The following LOC128706666 variants were observed in gnomAD, a reference collection of about 807,000 sequenced individuals.
At chr20:10,420,940 G>C in the LOC128706666 span, among the ~76,000 whole-genome samples, 1 of 152,200 alleles carries the variant, frequency 6.6e-6, no homozygotes, top group Non-Finnish European at 1.5e-5. Flanking sequence ...GACCCAAAGG[G>C]AGCAGGCAGT....
the LOC128706666 span, among the ~76,000 whole-genome samples, chr20:10,427,925 A>C: frequency 6.6e-6 from 1 of 152,252 alleles, no homozygotes; most frequent in Non-Finnish European, 1.5e-5. Context: ...TGGGCTGCTA[A>C]CAGCGTAACT....
chr20:10,414,634 T>C, the LOC128706666 span, among the ~76,000 whole-genome samples: 1 of 152,214 alleles, frequency 6.6e-6, no homozygotes, highest in Admixed American at 6.5e-5. Flanking sequence ...ATTATGTTTT[T>C]ATCTATAATT....
At chr20:10,429,807 G>A in the LOC128706666 span, among the ~76,000 whole-genome samples, 3 of 152,064 alleles carry the variant, frequency 2.0e-5, no homozygotes, top group African/African-American at 7.2e-5. Context: ...TCAAACTGTG[G>A]TCCTCTCAAC....
At chr20:10,433,699 C>T in the LOC128706666 span, among the ~76,000 whole-genome samples, 3 of 152,248 alleles carry the variant, frequency 2.0e-5, no homozygotes, top group Admixed American at 1.3e-4. Context: ...GGGCGGCCCC[C>T]ACCTCCCGAC....
chr20:10,414,264 T>TA, the LOC128706666 span, among the ~76,000 whole-genome samples: 19 of 143,400 alleles, frequency 1.3e-4, no homozygotes, highest in African/African-American at 5.2e-4. Flanking sequence ...GGTCTCTGAG[T>TA]CTTTTTTTTT....
At chr20:10,420,424 T>C in the LOC128706666 span, 3 of 152,166 alleles carry the variant, frequency 2.0e-5, no homozygotes, top group Non-Finnish European at 4.4e-5. Context: ...AAACAACAGG[T>C]AACTTACCAA....
the LOC128706666 span, among the ~76,000 whole-genome samples, chr20:10,433,560 CT>C: frequency 6.6e-6 from 1 of 152,336 alleles, no homozygotes; most frequent in South Asian, 2.1e-4. Flanking sequence ...TGGGTATGGT[CT>C]TATCGGGGAG....
chr20:10,433,863 C>T, the LOC128706666 span, among the ~76,000 whole-genome samples: 1 of 152,192 alleles, frequency 6.6e-6, no homozygotes, highest in South Asian at 2.1e-4. Flanking sequence ...TCCCCACCGG[C>T]GGGAAGACCT....
the LOC128706666 span, chr20:10,413,778 A>G: frequency 3.4e-6 from 2 of 585,510 alleles, no homozygotes; most frequent in Non-Finnish European, 6.0e-6. Flanking sequence ...CTGAAATTTT[A>G]CAGACTGCTT....
the LOC128706666 span, among the ~76,000 whole-genome samples, chr20:10,426,752 T>C: frequency 1.3e-5 from 2 of 152,304 alleles, no homozygotes; most frequent in South Asian, 4.1e-4. Context: ...ACAGCTGTCA[T>C]TTCACTTGTC....
the LOC128706666 span, among the ~76,000 whole-genome samples, chr20:10,423,748 A>G: frequency 2.6e-5 from 4 of 152,328 alleles, no homozygotes; most frequent in African/African-American, 9.6e-5. Flanking sequence ...TACTCTTTCC[A>G]TTAGGATAAC....
At chr20:10,425,230 T>G in the LOC128706666 span, among the ~76,000 whole-genome samples, 4 of 152,280 alleles carry the variant, frequency 2.6e-5, no homozygotes, top group Non-Finnish European at 4.4e-5. Context: ...TAATCCCTCT[T>G]GCAAAGAATA....
At chr20:10,432,688 C>G in the LOC128706666 span, among the ~76,000 whole-genome samples, 1 of 147,758 alleles carries the variant, frequency 6.8e-6, no homozygotes, top group Admixed American at 6.9e-5. Flanking sequence ...CAAACTTCTC[C>G]GGAGGCTAAG....
chr20:10,421,009 A>G, the LOC128706666 span, among the ~76,000 whole-genome samples: 1 of 152,246 alleles, frequency 6.6e-6, no homozygotes, highest in African/African-American at 2.4e-5. Context: ...CAAAGGAGCA[A>G]CATTACCTGC....
the LOC128706666 span, among the ~76,000 whole-genome samples, chr20:10,423,002 C>A: frequency 6.6e-6 from 1 of 152,084 alleles, no homozygotes. Context: ...TGAGCCACTG[C>A]GCCCGGCCCT....
the LOC128706666 span, among the ~76,000 whole-genome samples, chr20:10,432,498 A>G: frequency 2.0e-5 from 3 of 152,160 alleles, no homozygotes; most frequent in East Asian, 5.8e-4. Flanking sequence ...CCTGATTTAA[A>G]AATTGTGTAG....
the LOC128706666 span, among the ~76,000 whole-genome samples, chr20:10,430,289 C>G: frequency 1.3e-5 from 2 of 152,158 alleles, no homozygotes; most frequent in Non-Finnish European, 2.9e-5. Flanking sequence ...TCTTCACTTA[C>G]CACTTTACAA....
chr20:10,417,530 G>A, the LOC128706666 span, among the ~76,000 whole-genome samples: 3 of 152,308 alleles, frequency 2.0e-5, no homozygotes, highest in East Asian at 3.9e-4. Context: ...AGGATGGCCT[G>A]TGCCCAAGAG....
At chr20:10,415,665 T>A in the LOC128706666 span, among the ~76,000 whole-genome samples, 30 of 152,248 alleles carry the variant, frequency 2.0e-4, no homozygotes, top group Non-Finnish European at 3.4e-4. Flanking sequence ...GTGACTTCTA[T>A]ATGTTAATTT....
Sources: allele counts gnomAD v4.1 joint callset (sites outside exome capture counted in the v4.1 genomes callset), GRCh38; gene constraint gnomAD v4.1.1; transcripts MANE v1.5.